Variants in ASAH2B observed in about 807,000 individuals in gnomAD.
The protein encoded by ASAH2B is N-acylsphingosine amidohydrolase 2B, also known as putative inactive neutral ceramidase B.
Under a neutral mutation model 2.9 loss-of-function variants are expected in ASAH2B, and 1 was observed. The ratio of observed to expected loss-of-function variants is 0.34; its 90% CI spans 0.12 to 1.63. The LOEUF (loss-of-function observed/expected upper bound fraction) is 1.63. ASAH2B is among the 40% of genes most tolerant of loss of function. The pLI is 0.36. For synonymous variants in ASAH2B, 4 were observed against 13.3 expected (o/e 0.30, Z 1.52); for missense variants, 9 against 37.7 (o/e 0.24, Z 1.99).
At chr10:50,742,633 T>C (rs1411602605) in intron 1 of ASAH2B, among the ~76,000 whole-genome samples, 1 of 152,124 alleles carries the variant, frequency 6.6e-6, no homozygotes, top group East Asian at 1.9e-4. Flanking sequence ...TATAATAGAC[T>C]AAAGCTTAGG....
chr10:50,741,916 A>G (rs956468907), intron 1 of ASAH2B, among the ~76,000 whole-genome samples: 1 of 152,178 alleles, frequency 6.6e-6, no homozygotes, highest in Non-Finnish European at 1.5e-5. Flanking sequence ...CAGAGGACTG[A>G]TTAAGAAGCC....
At chr10:50,742,690 A>T (rs2137567) in intron 1 of ASAH2B, among the ~76,000 whole-genome samples, 1 of 151,940 alleles carries the variant, frequency 6.6e-6, no homozygotes, top group Non-Finnish European at 1.5e-5. Context: ...TCTAAATGGC[A>T]TAAGCAGAGA....
At position 50,755,692 on chromosome 10, in the gene ASAH2B, T is replaced by C. The variant is rs1204999299; in HGVS notation, c.*952T>C. ...TTTTACCATTTGCTCACTCACTCAC[T>C]CATGGACCCATTCAATCATAGAATA... On this transcript the variant is annotated 3_prime_UTR_variant, in exon 6 of 6. Transcript: ENST00000647317. 22 of 150,812 alleles carry C rather than the reference T, an allele frequency of 1.5e-4. No individual in the cohort carries two copies. The highest frequency in any genetic ancestry group is 4.8e-4 in the African/African-American group (20 of 41,398). 9.3% of individuals were successfully genotyped at this position (150,812 alleles called of 1,614,324 possible). A position where few individuals can be genotyped will look rare whatever the true frequency, so the allele number is the denominator to read the frequency against.
chr10:50,741,581 TAA>T (rs1213466044), intron 1 of ASAH2B, among the ~76,000 whole-genome samples: 1 of 152,014 alleles, frequency 6.6e-6, no homozygotes, highest in East Asian at 1.9e-4. Flanking sequence ...GTTAAGCAAA[TAA>T]AAAGTAAGAA....
Position 50,757,323 on chromosome 10 carries a change from A to C in ASAH2B, c.*2583A>C, listed in dbSNP as rs1203428759. On this transcript the variant is annotated 3_prime_UTR_variant, in exon 6 of 6. Transcript: ENST00000647317. Reference sequence around the variant, plus strand: ...ACTTGTAAATAACCACTGAAGCACAAGGGAACCACTTCTTTATCAGTTCCT... The same window carrying C: ...ACTTGTAAATAACCACTGAAGCACACGGGAACCACTTCTTTATCAGTTCCT... 1 of 151,782 alleles carries C rather than the reference A, an allele frequency of 6.6e-6. No individual in the cohort carries two copies. Among genetic ancestry groups the C allele is most frequent in the East Asian group, 1.9e-4 (1 of 5,166 alleles). 9.4% of individuals were successfully genotyped at this position (151,782 alleles called of 1,614,324 possible). A position where few individuals can be genotyped will look rare whatever the true frequency, so the allele number is the denominator to read the frequency against.
intron 3 of ASAH2B, among the ~76,000 whole-genome samples, chr10:50,747,738 C>T (rs141043748): frequency 0.022 from 3,327 of 150,966 alleles, 51 homozygotes; most frequent in African/African-American, 0.073. Flanking sequence ...AAATAAATGC[C>T]GTATCATTTA....
At chr10:50,746,380 A>G (rs1839905989) in intron 3 of ASAH2B, among the ~76,000 whole-genome samples, 1 of 151,416 alleles carries the variant, frequency 6.6e-6, no homozygotes, top group Non-Finnish European at 1.5e-5. Context: ...TATGTACTAC[A>G]TTTTCTTTAT....
intron 1 of ASAH2B, among the ~76,000 whole-genome samples, chr10:50,740,711 G>A (rs1012297701): frequency 6.6e-6 from 1 of 152,036 alleles, no homozygotes; most frequent in African/African-American, 2.4e-5. Context: ...ACCCTTTCCC[G>A]CTTTTTTTCA....
chr10:50,753,910 C>G (rs1837026660), intron 5 of ASAH2B, among the ~76,000 whole-genome samples: 1 of 108,192 alleles, frequency 9.2e-6, no homozygotes, highest in Non-Finnish European at 1.9e-5. Context: ...TCTGCAGACT[C>G]AGTTTAAATG....
At chr10:50,744,149 G>A (rs542626673) in intron 2 of ASAH2B, among the ~76,000 whole-genome samples, 15 of 151,236 alleles carry the variant, frequency 9.9e-5, no homozygotes, top group Non-Finnish European at 2.1e-4. Context: ...AGGTCATTCA[G>A]ATTATACAGA....
In ASAH2B at chr10:50,742,777, G is replaced by C. The variant is rs890359748; in HGVS notation, c.-99-138G>C. ...TAAATGGAAATGCCCATCCTCTTTTGTCATACATAATCTTGAAGATTGTGC... is the reference window on the plus strand; with the variant it reads ...TAAATGGAAATGCCCATCCTCTTTTCTCATACATAATCTTGAAGATTGTGC... On this transcript the variant is annotated intron_variant, in intron 1 of 5. Transcript: ENST00000647317. 31 of 822,156 alleles carry C rather than the reference G, an allele frequency of 3.8e-5. No homozygotes were observed. In the African/African-American group the frequency reaches 3.9e-4, roughly 10 times the overall value. 50.9% of individuals were successfully genotyped at this position (822,156 alleles called of 1,614,324 possible).
chr10:50,740,207 G>A (rs1839807639), intron 1 of ASAH2B, among the ~76,000 whole-genome samples: 1 of 152,072 alleles, frequency 6.6e-6, no homozygotes, highest in Admixed American at 6.5e-5. Context: ...GAAGGTGTCC[G>A]GGAGACGTCG....
At chr10:50,742,825 T>A (rs1839850260) in intron 1 of ASAH2B, 90 bp from the exon 2 acceptor site, 1 of 1,265,752 alleles carries the variant, frequency 7.9e-7, no homozygotes, top group East Asian at 2.3e-5. Context: ...ATGTGAGATG[T>A]CAAGCATCAC....
chr10:50,751,328 A>G (rs1839974636), intron 4 of ASAH2B, among the ~76,000 whole-genome samples: 1 of 151,106 alleles, frequency 6.6e-6, no homozygotes, highest in Admixed American at 6.6e-5. Flanking sequence ...AGTAACTTAT[A>G]TTATGCATAA....
Position 50,746,717 on chromosome 10 carries a change from G to A in ASAH2B, c.144+1443G>A, listed in dbSNP as rs915277709. Among the ~76,000 whole-genome samples, 4 of 147,372 alleles carry A rather than the reference G, an allele frequency of 2.7e-5. 1 individual carries two copies. The highest frequency in any genetic ancestry group is 1.0e-4 in the African/African-American group (4 of 39,978). On this transcript the variant is annotated intron_variant, in intron 3 of 5. Transcript: ENST00000647317. ...TCTAACAGGTATTAGGTGATATCTT[G>A]TTGTAGTTTTAATTTGCATTTCTTC...
intron 3 of ASAH2B, among the ~76,000 whole-genome samples, chr10:50,746,949 G>C (rs1196415448): frequency 6.7e-6 from 1 of 148,902 alleles, no homozygotes; most frequent in Admixed American, 6.7e-5. Flanking sequence ...CCATTCTTTA[G>C]GTTGTCTCCT....
chr10:50,748,328 C>G (rs1443731797), intron 3 of ASAH2B, among the ~76,000 whole-genome samples: 1 of 137,826 alleles, frequency 7.3e-6, no homozygotes, highest in African/African-American at 2.6e-5. Flanking sequence ...AGTTTTATTG[C>G]TTTTACCTAT....
At chr10:50,747,163 C>A (rs998408065) in intron 3 of ASAH2B, among the ~76,000 whole-genome samples, 4 of 149,526 alleles carry the variant, frequency 2.7e-5, no homozygotes, top group Non-Finnish European at 4.5e-5. Context: ...AATCTTTAAT[C>A]AATTTTGAGT....
At chr10:50,741,316 A>G (rs1358838046) in intron 1 of ASAH2B, among the ~76,000 whole-genome samples, 1 of 152,200 alleles carries the variant, frequency 6.6e-6, no homozygotes, top group Non-Finnish European at 1.5e-5. Flanking sequence ...CAACAGATGT[A>G]TTGTGACAGA....
Sources: gnomAD v4.1 joint callset for allele counts (sites outside exome capture counted in the v4.1 genomes callset) on GRCh38, gnomAD v4.1.1 for gene constraint, MANE v1.5 for transcripts, NCBI Gene and HGNC (gene_info 2026-07-23, HGNC 2026-07-21) for gene names.